Variants in PDSS2 observed in about 807,000 individuals in gnomAD.
PDSS2 encodes all trans-polyprenyl-diphosphate synthase PDSS2.
In PDSS2, 31 loss-of-function variants were observed where a neutral mutation model predicts 44.5. The observed-to-expected ratio is 0.70, with a 90% CI of 0.52 to 0.94. The LOEUF is 0.94. Among genes scored for constraint, PDSS2 ranks in the 40% least tolerant of loss-of-function variants. The probability of loss-of-function intolerance (pLI) is 0.00; values close to 1 mark genes in which losing one functional copy is unlikely to be tolerated. For synonymous variants in PDSS2, 157 were observed against 180.3 expected, an observed-to-expected ratio of 0.87 and a Z score of 1.03; for missense variants, 452 against 482.2, an observed-to-expected ratio of 0.94 and a Z score of 0.59.
At chr6:107,160,014 G>C (rs782297150) in intron 7 of PDSS2, among the ~76,000 whole-genome samples, 20 of 151,986 alleles carry the variant, frequency 1.3e-4, no homozygotes, top group Non-Finnish European at 2.6e-4. Context: ...TCAGGAGTTC[G>C]AGATCAGACT....
chr6:107,170,603 A>ACCC (rs1450669731), intron 7 of PDSS2, among the ~76,000 whole-genome samples: 1 of 65,804 alleles, frequency 1.5e-5, no homozygotes, highest in African/African-American at 8.6e-5. Flanking sequence ...CCATCTTGGA[A>ACCC]CCACCCCCCC....
intron 1 of PDSS2, among the ~76,000 whole-genome samples, chr6:107,352,694 G>A (rs1263703889): frequency 2.0e-5 from 3 of 152,174 alleles, no homozygotes; most frequent in African/African-American, 7.2e-5. Flanking sequence ...ATAGAGAAGT[G>A]GTTCTTAACT....
At chr6:107,359,007 CTTTTTTTTT>C (rs59632305) in intron 1 of PDSS2, among the ~76,000 whole-genome samples, 2 of 93,056 alleles carry the variant, frequency 2.1e-5, no homozygotes, top group Admixed American at 2.8e-4. Flanking sequence ...CATTCTCGCT[CTTTTTTTTT>C]TTTTTTTTTT....
chr6:107,174,971 T>C (rs1771735631), intron 7 of PDSS2, among the ~76,000 whole-genome samples: 1 of 152,158 alleles, frequency 6.6e-6, no homozygotes, highest in African/African-American at 2.4e-5. Flanking sequence ...TCCCAGCACT[T>C]TGGGAGGCCA....
intron 1 of PDSS2, among the ~76,000 whole-genome samples, chr6:107,432,547 T>C (rs2114761469): frequency 6.6e-6 from 1 of 152,258 alleles, no homozygotes; most frequent in South Asian, 2.1e-4. Flanking sequence ...TCCAAGCACT[T>C]TGGGAGGCCA....
intron 7 of PDSS2, among the ~76,000 whole-genome samples, chr6:107,164,391 C>A (rs1554247198): frequency 6.6e-6 from 1 of 152,114 alleles, no homozygotes; most frequent in Non-Finnish European, 1.5e-5. Flanking sequence ...TGTTCAATTA[C>A]CACCTACCAG....
At chr6:107,454,558 T>C (rs73514946) in intron 1 of PDSS2, among the ~76,000 whole-genome samples, 4,083 of 152,248 alleles carry the variant, frequency 0.027, 205 homozygotes, top group African/African-American at 0.094. Context: ...AGAATATATG[T>C]CACATCTAGG....
intron 1 of PDSS2, among the ~76,000 whole-genome samples, chr6:107,457,270 T>C (rs1415082109): frequency 6.6e-6 from 1 of 152,204 alleles, no homozygotes; most frequent in Admixed American, 6.5e-5. Context: ...TGTATCAACA[T>C]AAATACCCTG....
chr6:107,404,827 G>T (rs1248353192), intron 1 of PDSS2, among the ~76,000 whole-genome samples: 1 of 152,138 alleles, frequency 6.6e-6, no homozygotes, highest in Non-Finnish European at 1.5e-5. Context: ...ATTCCTGAGG[G>T]AGAGGAAAAA....
At chr6:107,384,871 C>G (rs1345987968) in intron 1 of PDSS2, among the ~76,000 whole-genome samples, 2 of 152,118 alleles carry the variant, frequency 1.3e-5, no homozygotes, top group African/African-American at 4.8e-5. Context: ...AACACAAAAA[C>G]TGTCCAAAAT....
intron 1 of PDSS2, among the ~76,000 whole-genome samples, chr6:107,440,247 T>G (rs1457781050): frequency 6.6e-6 from 1 of 152,232 alleles, no homozygotes; most frequent in Non-Finnish European, 1.5e-5. Flanking sequence ...GATTTACCTG[T>G]CATGTTGCTA....
At chr6:107,256,828 G>A (rs1017496982) in intron 3 of PDSS2, among the ~76,000 whole-genome samples, 1 of 152,000 alleles carries the variant, frequency 6.6e-6, no homozygotes, top group Admixed American at 6.6e-5. Context: ...AAGAGTTTGA[G>A]ACCAGCCTGG....
chr6:107,272,784 A>G (rs2114937191), intron 3 of PDSS2, among the ~76,000 whole-genome samples: 1 of 152,140 alleles, frequency 6.6e-6, no homozygotes, highest in South Asian at 2.1e-4. Context: ...GGAGTTCAAG[A>G]CTAGCCTGGG....
At chr6:107,429,786 A>AGGCAGG (rs1271731154) in intron 1 of PDSS2, among the ~76,000 whole-genome samples, 24 of 149,528 alleles carry the variant, frequency 1.6e-4, no homozygotes, top group Admixed American at 1.1e-3. Context: ...TCGGAGGCTG[A>AGGCAGG]GGCAGGAGAA....
Position 107,219,007 on chromosome 6 carries a change from G to A in PDSS2, c.703-6725C>T, listed in dbSNP as rs6915653. ...CAGGAGGCAGAGGTTGCAGTGAGCC[G>A]ACATCACGCCATTGCACTCCAGCCT... On this transcript the variant is annotated intron_variant, in intron 4 of 7. Transcript: ENST00000369037. Among the ~76,000 whole-genome samples the A allele has an allele frequency of 8.4e-3, 1,257 of 150,210 alleles. 27 individuals are homozygous for A. The highest frequency in any genetic ancestry group is 0.03 in the African/African-American group (1,220 of 40,836).
At chr6:107,360,631 A>G (rs755690983) in intron 1 of PDSS2, among the ~76,000 whole-genome samples, 7 of 152,216 alleles carry the variant, frequency 4.6e-5, no homozygotes, top group Non-Finnish European at 8.8e-5. Context: ...CTAAGAGGAC[A>G]GTGTTGCTCA....
chr6:107,458,314 T>C lies in PDSS2; in HGVS notation c.296+676A>G, dbSNP rs140981513. Among the ~76,000 whole-genome samples, 646 of 145,236 alleles carry C rather than the reference T, an allele frequency of 4.4e-3. 2 individuals carry two copies. The highest frequency in any genetic ancestry group is 0.016 in the African/African-American group (616 of 38,860). On this transcript the variant is annotated intron_variant, in intron 1 of 7. Transcript: ENST00000369037. Reference sequence around the variant, plus strand: ...TCCTGGCTAACACGGTGAAACCCCGTATCTACTAAAAATACAAAAACAAAA... The same window carrying C: ...TCCTGGCTAACACGGTGAAACCCCGCATCTACTAAAAATACAAAAACAAAA...
chr6:107,172,421 T>A (rs781840986), intron 7 of PDSS2, among the ~76,000 whole-genome samples: 1 of 152,158 alleles, frequency 6.6e-6, no homozygotes, highest in Non-Finnish European at 1.5e-5. Flanking sequence ...CCAGGAATGG[T>A]GGCTCACACC....
chr6:107,245,761 G>A, intron 3 of PDSS2, 142 bp from the exon 4 acceptor site: 2 of 528,126 alleles, frequency 3.8e-6, no homozygotes, highest in Non-Finnish European at 6.5e-6. Context: ...CAAGATCTCA[G>A]CAAATGGCAT....
Sources: allele counts gnomAD v4.1 joint callset (sites outside exome capture counted in the v4.1 genomes callset), GRCh38; gene constraint gnomAD v4.1.1; transcripts MANE v1.5; gene names NCBI Gene and HGNC (gene_info 2026-07-23, HGNC 2026-07-21).